The following PSMD12 variants were observed in gnomAD, a reference collection of about 807,000 sequenced individuals.
PSMD12 encodes the protein proteasome 26S subunit, non-ATPase 12.
In PSMD12, 8 loss-of-function variants were observed where a neutral mutation model predicts 62.9. The observed-to-expected ratio is 0.13, with a 90% CI of 0.07 to 0.23. PSMD12 has a LOEUF of 0.23. Among genes scored for constraint, PSMD12 ranks in the 10% least tolerant of loss-of-function variants. PSMD12 has a pLI of 1.00. For missense variants in PSMD12, 424 were observed against 550.2 expected (o/e 0.77, Z 2.29); for synonymous variants, 173 against 187.4 (o/e 0.92, Z 0.63).
chr17:67,361,795 A>T (rs2042130226), intron 1 of PSMD12, among the ~76,000 whole-genome samples: 1 of 146,758 alleles, frequency 6.8e-6, no homozygotes, highest in Admixed American at 7.0e-5. Context: ...AGCCAGGTAC[A>T]GTGTTGTGCA....
chr17:67,348,484 A>C (rs2041988598), intron 5 of PSMD12, 66 bp downstream of exon 5: 1 of 1,312,650 alleles, frequency 7.6e-7, no homozygotes, highest in Admixed American at 1.8e-5. Flanking sequence ...TACTCAACCT[A>C]TATTTCCATT....
chr17:67,352,426 T>C (rs56284332), intron 3 of PSMD12, among the ~76,000 whole-genome samples: 27,144 of 152,220 alleles, frequency 0.18, 3,063 homozygotes, highest in South Asian at 0.32. Context: ...TATGGTTTTA[T>C]TGTAAACTAT....
At chr17:67,349,184 T>C (rs1343585041) in intron 4 of PSMD12, among the ~76,000 whole-genome samples, 1 of 152,130 alleles carries the variant, frequency 6.6e-6, no homozygotes, top group Non-Finnish European at 1.5e-5. Context: ...CACGCCCAGC[T>C]AATTTTGTAT....
Position 67,366,489 on chromosome 17 carries a change from C to A in PSMD12, c.31G>T (p.Gly11Trp). ...TCCACCTCCATCTTGACGATGCGCC[C>A]GTCAGCCCGCTCCGAGCCGCCGTCC... MADGGSERAD[G>W]RIVKMEVDYS... The change falls in exon 1 of 11, where the codon GGG becomes TGG. Residue 11 changes from glycine to tryptophan, a missense_variant. Gly to Trp is a radical substitution (Grantham distance 184). Transcript: ENST00000356126. 1 of 1,609,762 alleles carries A rather than the reference C, an allele frequency of 6.2e-7. No homozygotes were observed. Among genetic ancestry groups the A allele is most frequent in the Non-Finnish European group, 8.5e-7 (1 of 1,178,880 alleles).
chr17:67,350,353 C>G lies in PSMD12; in HGVS notation c.298-17G>C, dbSNP rs781036893. On this transcript the variant is annotated splice_polypyrimidine_tract_variant and intron_variant, in intron 3 of 10. Transcript: ENST00000356126. The stretch of plus-strand genomic sequence containing the variant: ...GGCAACAGCCTAAAATATTAAAAAC[C>G]ATTCATAAGTAAAATACATTCCTCA... 3.9e-6 allele frequency: 6 copies of G among 1,536,380 alleles called. No homozygotes were observed. In the South Asian group the frequency reaches 7.2e-5, roughly 18 times the overall value.
intron 3 of PSMD12, among the ~76,000 whole-genome samples, chr17:67,356,088 G>A (rs1328789130): frequency 1.3e-5 from 2 of 152,044 alleles, no homozygotes; most frequent in Non-Finnish European, 2.9e-5. Context: ...CACTCTAAGT[G>A]GGGGTTGGGT....
At chr17:67,362,178 G>C (rs1156252636) in intron 1 of PSMD12, among the ~76,000 whole-genome samples, 2 of 152,154 alleles carry the variant, frequency 1.3e-5, no homozygotes, top group Admixed American at 6.5e-5. Flanking sequence ...ATCAAAAAGA[G>C]AGAATGAGAA....
intron 8 of PSMD12, among the ~76,000 whole-genome samples, chr17:67,345,254 T>C (rs1189219013): frequency 6.6e-6 from 1 of 152,202 alleles, no homozygotes; most frequent in African/African-American, 2.4e-5. Flanking sequence ...TGTTATAATC[T>C]CATTTACTGC....
intron 1 of PSMD12, among the ~76,000 whole-genome samples, chr17:67,359,355 T>C (rs189675896): frequency 1.3e-5 from 2 of 152,296 alleles, no homozygotes; most frequent in South Asian, 2.1e-4. Context: ...ACCTGGTCTC[T>C]AGATAAAAAA....
At chr17:67,343,976 T>C (rs1464476078) in intron 9 of PSMD12, among the ~76,000 whole-genome samples, 1 of 152,192 alleles carries the variant, frequency 6.6e-6, no homozygotes, top group Non-Finnish European at 1.5e-5. Context: ...AGTGCTGGGA[T>C]CACAGGTGTG....
At chr17:67,343,729 C>T (rs748564408) in intron 9 of PSMD12, among the ~76,000 whole-genome samples, 3 of 151,886 alleles carry the variant, frequency 2.0e-5, no homozygotes, top group Non-Finnish European at 4.4e-5. Flanking sequence ...TTTGAGACGG[C>T]GTCTTGCTCT....
intron 9 of PSMD12, among the ~76,000 whole-genome samples, chr17:67,343,093 T>C (rs2041930744): frequency 6.6e-6 from 1 of 152,126 alleles, no homozygotes; most frequent in Admixed American, 6.5e-5. Context: ...ACTGTTCTTA[T>C]TGGTAGTATT....
At chr17:67,341,508 C>T (rs2041915264) in intron 10 of PSMD12, among the ~76,000 whole-genome samples, 1 of 142,810 alleles carries the variant, frequency 7.0e-6, no homozygotes. Flanking sequence ...TTAGCAACTG[C>T]TGACTTCCTA....
In PSMD12 at chr17:67,343,743, A is replaced by G. The variant is rs147775634; in HGVS notation, c.1083+863T>C. 3.4e-3 allele frequency among the ~76,000 whole-genome samples: 518 copies of G among 152,214 alleles called. 5 individuals carry two copies. Among genetic ancestry groups the G allele is most frequent in the African/African-American group, 0.012 (497 of 41,524 alleles). On this transcript the variant is annotated intron_variant, in intron 9 of 10. Coordinates refer to ENST00000356126, the MANE Select transcript of PSMD12 (RefSeq NM_002816.5). Reference sequence around the variant, plus strand: ...TTTTGAGACGGCGTCTTGCTCTGTCACCCAGGCTGGAGTGCATTGGTGTGA... The same window carrying G: ...TTTTGAGACGGCGTCTTGCTCTGTCGCCCAGGCTGGAGTGCATTGGTGTGA...
intron 3 of PSMD12, 30 bp from the exon 4 acceptor site, chr17:67,350,366 A>C: frequency 6.7e-7 from 1 of 1,492,412 alleles, no homozygotes; most frequent in Non-Finnish European, 9.2e-7. Context: ...TCATAAGTAA[A>C]ATACATTCCT....
At chr17:67,345,361 G>A (rs551332041) in intron 8 of PSMD12, among the ~76,000 whole-genome samples, 1 of 152,152 alleles carries the variant, frequency 6.6e-6, no homozygotes, top group Non-Finnish European at 1.5e-5. Context: ...ACACACTTAG[G>A]CCAGGCGCAG....
chr17:67,357,475 A>C, intron 2 of PSMD12, 44 bp from the exon 3 acceptor site: 1 of 1,612,690 alleles, frequency 6.2e-7, no homozygotes, highest in South Asian at 1.1e-5. Context: ...AAGAATGTTC[A>C]ATGAAATTAA....
chr17:67,363,073 C>T (rs1276461137), intron 1 of PSMD12, among the ~76,000 whole-genome samples: 1 of 152,108 alleles, frequency 6.6e-6, no homozygotes, highest in Non-Finnish European at 1.5e-5. Flanking sequence ...TTTTACAAAC[C>T]AACTCTAGGA....
At position 67,339,324 on chromosome 17, in the gene PSMD12, T is replaced by C. The variant is rs1567949569; in HGVS notation, c.*1519A>G. 3 of 152,246 alleles carry C rather than the reference T, an allele frequency of 2.0e-5. No homozygotes were observed. The highest frequency in any genetic ancestry group is 6.5e-5 in the Admixed American group (1 of 15,288). 9.4% of individuals were successfully genotyped at this position (152,246 alleles called of 1,614,324 possible). A position where few individuals can be genotyped will look rare whatever the true frequency, so the allele number is the denominator to read the frequency against. The stretch of plus-strand genomic sequence containing the variant: ...CAGGGTTTTGCCATGTTGGCCAGGC[T>C]AGTCTCGAAATCCTGACCTTAGATG... On this transcript the variant is annotated 3_prime_UTR_variant, in exon 11 of 11. Coordinates refer to ENST00000356126, the MANE Select transcript of PSMD12 (RefSeq NM_002816.5).
Sources: allele counts gnomAD v4.1 joint callset (sites outside exome capture counted in the v4.1 genomes callset), GRCh38; gene constraint gnomAD v4.1.1; transcripts MANE v1.5; gene names NCBI Gene and HGNC (gene_info 2026-07-23, HGNC 2026-07-21).